Variants in POFUT3 observed in about 807,000 individuals in gnomAD.
The protein encoded by POFUT3 is protein O-fucosyltransferase 3, also known as GDP-fucose protein O-fucosyltransferase 3.
the POFUT3 span, chr8:33,453,210 G>T: frequency 6.2e-7 from 1 of 1,612,794 alleles, no homozygotes; most frequent in South Asian, 1.1e-5. Flanking sequence ...CGAAAGTCCT[G>T]CTTACCATAG....
chr8:33,386,642 C>T, the POFUT3 span, among the ~76,000 whole-genome samples: 7 of 152,234 alleles, frequency 4.6e-5, no homozygotes, highest in Non-Finnish European at 1.5e-5. Flanking sequence ...AACCCCGTCT[C>T]TACTAAAAAT....
chr8:33,367,504 T>G, the POFUT3 span, among the ~76,000 whole-genome samples: 1 of 143,000 alleles, frequency 7.0e-6, no homozygotes, highest in Non-Finnish European at 1.5e-5. Flanking sequence ...CTCTCAGCTC[T>G]GAAGGCTGTG....
the POFUT3 span, among the ~76,000 whole-genome samples, chr8:33,400,730 CAG>C: frequency 2.0e-5 from 3 of 152,272 alleles, no homozygotes; most frequent in Admixed American, 1.3e-4. Flanking sequence ...AAAACTTCTT[CAG>C]AGTCTCTTTT....
chr8:33,388,932 C>A, the POFUT3 span: 751 of 1,569,064 alleles, frequency 4.8e-4, 4 homozygotes, highest in African/African-American at 8.8e-3. Flanking sequence ...GGCCAGCCTG[C>A]TGGCTCTATG....
At chr8:33,374,479 G>A in the POFUT3 span, among the ~76,000 whole-genome samples, 144 of 152,174 alleles carry the variant, frequency 9.5e-4, no homozygotes, top group Non-Finnish European at 1.8e-3. Context: ...CTAATGAAAC[G>A]TGATGGTTTA....
the POFUT3 span, among the ~76,000 whole-genome samples, chr8:33,315,167 C>A: frequency 1.3e-5 from 2 of 152,122 alleles, no homozygotes. Context: ...GTGAGCCTTG[C>A]CCAATAAATG....
chr8:33,319,990 G>T, the POFUT3 span, among the ~76,000 whole-genome samples: 5 of 151,016 alleles, frequency 3.3e-5, no homozygotes, highest in Admixed American at 1.3e-4. Context: ...CTATGTGCCA[G>T]ACACTGGAAT....
chr8:33,463,588 A>G, the POFUT3 span, among the ~76,000 whole-genome samples: 139 of 151,798 alleles, frequency 9.2e-4, 1 homozygote, highest in African/African-American at 3.0e-3. Flanking sequence ...TCTGTCACCC[A>G]GGCTGAAGTG....
the POFUT3 span, among the ~76,000 whole-genome samples, chr8:33,437,649 A>G: frequency 3.3e-5 from 5 of 152,118 alleles, no homozygotes; most frequent in African/African-American, 9.7e-5. Flanking sequence ...TGTCTCTATT[A>G]AAAACACAAA....
At chr8:33,324,957 C>G in the POFUT3 span, among the ~76,000 whole-genome samples, 1 of 152,132 alleles carries the variant, frequency 6.6e-6, no homozygotes, top group African/African-American at 2.4e-5. Context: ...CGTGATCACC[C>G]CTTCTCTGGT....
the POFUT3 span, among the ~76,000 whole-genome samples, chr8:33,412,907 C>T: frequency 2.0e-5 from 3 of 152,130 alleles, no homozygotes; most frequent in Non-Finnish European, 4.4e-5. Context: ...GGATTACAGG[C>T]ATGAGCCACT....
the POFUT3 span, among the ~76,000 whole-genome samples, chr8:33,415,147 A>G: frequency 0.33 from 50,532 of 151,906 alleles, 10,380 homozygotes; most frequent in Admixed American, 0.48. Flanking sequence ...CTGTAGGCCC[A>G]GTTACTCAGG....
chr8:33,460,906 A>C, the POFUT3 span: 1 of 193,486 alleles, frequency 5.2e-6, no homozygotes, highest in South Asian at 1.7e-4. Flanking sequence ...TAATCCTAGC[A>C]CTTTGGAAGG....
the POFUT3 span, chr8:33,360,839 T>C: frequency 2.0e-5 from 3 of 152,020 alleles, no homozygotes; most frequent in Non-Finnish European, 4.4e-5. Context: ...AGCAAACAAA[T>C]GGGGAGGGGG....
chr8:33,393,513 G>A, the POFUT3 span, among the ~76,000 whole-genome samples: 1 of 152,242 alleles, frequency 6.6e-6, no homozygotes, highest in African/African-American at 2.4e-5. Context: ...AGGAGCCTGA[G>A]AGTGACATAC....
the POFUT3 span, among the ~76,000 whole-genome samples, chr8:33,415,425 G>T: frequency 6.6e-6 from 1 of 152,148 alleles, no homozygotes; most frequent in Non-Finnish European, 1.5e-5. Context: ...GAACCCAGGG[G>T]ACACTTGGAA....
At chr8:33,453,807 C>A in the POFUT3 span, among the ~76,000 whole-genome samples, 1 of 151,986 alleles carries the variant, frequency 6.6e-6, no homozygotes, top group East Asian at 1.9e-4. Flanking sequence ...ATTAGTCAGG[C>A]ATGGTGGCGG....
At chr8:33,360,628 C>T in the POFUT3 span, among the ~76,000 whole-genome samples, 2 of 152,112 alleles carry the variant, frequency 1.3e-5, no homozygotes, top group East Asian at 1.9e-4. Flanking sequence ...ATTATTCTGG[C>T]TTAACCAATA....
the POFUT3 span, among the ~76,000 whole-genome samples, chr8:33,350,148 G>C: frequency 6.6e-6 from 1 of 151,932 alleles, no homozygotes; most frequent in Non-Finnish European, 1.5e-5. Flanking sequence ...GTTCCTTGTA[G>C]ATTCTGGATA....
Sources: gnomAD v4.1 joint callset for allele counts (sites outside exome capture counted in the v4.1 genomes callset) on GRCh38, gnomAD v4.1.1 for gene constraint, MANE v1.5 for transcripts, NCBI Gene and HGNC (gene_info 2026-07-23, HGNC 2026-07-21) for gene names.